TMEM131: variants seen among roughly 807,000 people sequenced by gnomAD.
TMEM131 encodes transmembrane protein 131.
TMEM131 carries 66 observed loss-of-function variants against 211.6 expected under a neutral mutation model. The observed-to-expected ratio is 0.31, with a 90% CI of 0.26 to 0.38. TMEM131 has a LOEUF of 0.38. TMEM131 is among the 10% of genes least tolerant of loss of function. The pLI is 1.00. For synonymous variants in TMEM131, 844 were observed against 841.3 expected (o/e 1.00, Z -0.06); for missense variants, 2,036 against 2,299.3 (o/e 0.89, Z 2.34).
chr2:97,824,209 T>C (rs1229596000), intron 11 of TMEM131, among the ~76,000 whole-genome samples: 2 of 152,256 alleles, frequency 1.3e-5, no homozygotes, highest in Non-Finnish European at 2.9e-5. Flanking sequence ...GAAGGCACAC[T>C]GCCCCAGAGG....
rs1026609323 is a variant in TMEM131, at chr2:97,841,753, T to A, written c.723+62A>T. The A allele has an allele frequency of 2.0e-6, 3 of 1,472,962 alleles. No individual in the cohort carries two copies. The African/African-American group carries it at 4.2e-5, about 21-fold the overall frequency. 91.2% of individuals were successfully genotyped at this position (1,472,962 alleles called of 1,614,324 possible). On this transcript the variant is annotated intron_variant, in intron 7 of 40. Transcript: ENST00000186436. ...TTGGAAACTGTAACAAACTGAGATT[T>A]CATGCTAAGCATTAATTCCCACCAA...
chr2:97,815,092 A>G, intron 13 of TMEM131, 107 bp downstream of exon 13: 1 of 536,938 alleles, frequency 1.9e-6, no homozygotes, highest in South Asian at 5.0e-5. Flanking sequence ...AAATAATTCC[A>G]TCAAGTTTAT....
intron 1 of TMEM131, among the ~76,000 whole-genome samples, chr2:97,960,618 A>C (rs1678773309): frequency 6.6e-6 from 1 of 152,204 alleles, no homozygotes; most frequent in Non-Finnish European, 1.5e-5. Flanking sequence ...AAAACGGCTT[A>C]AAAGAAATAA....
chr2:97,982,832 G>A (rs993446679), intron 1 of TMEM131, among the ~76,000 whole-genome samples: 2 of 152,188 alleles, frequency 1.3e-5, no homozygotes, highest in East Asian at 1.9e-4. Flanking sequence ...TGATGTCAGA[G>A]GCCATGAACC....
chr2:97,994,153 G>C (rs2104694174), intron 1 of TMEM131, among the ~76,000 whole-genome samples: 1 of 152,318 alleles, frequency 6.6e-6, no homozygotes, highest in South Asian at 2.1e-4. Context: ...AGGCCAAAAT[G>C]CTAGGTGCCA....
chr2:97,838,669 T>A (rs1683051449), intron 7 of TMEM131, among the ~76,000 whole-genome samples: 1 of 152,076 alleles, frequency 6.6e-6, no homozygotes. Context: ...GGTCTTGAAC[T>A]CCTGACCTCG....
intron 33 of TMEM131, among the ~76,000 whole-genome samples, chr2:97,768,798 T>C (rs1446582313): frequency 6.6e-6 from 1 of 152,102 alleles, no homozygotes; most frequent in Non-Finnish European, 1.5e-5. Flanking sequence ...ACGATGTTGG[T>C]GAGGCTGGTC....
At chr2:97,791,843 A>G (rs1277000568) in intron 31 of TMEM131, among the ~76,000 whole-genome samples, 2 of 152,206 alleles carry the variant, frequency 1.3e-5, no homozygotes, top group African/African-American at 2.4e-5. Context: ...AAATATTTTC[A>G]GCTCTGTGGG....
chr2:97,965,751 C>T (rs1290590246), intron 1 of TMEM131, among the ~76,000 whole-genome samples: 1 of 151,728 alleles, frequency 6.6e-6, no homozygotes, highest in Non-Finnish European at 1.5e-5. Flanking sequence ...TGAAGAAATT[C>T]TCCTGTGAAT....
intron 11 of TMEM131, among the ~76,000 whole-genome samples, chr2:97,826,173 G>T: frequency 6.6e-6 from 1 of 152,168 alleles, no homozygotes; most frequent in East Asian, 1.9e-4. Flanking sequence ...TGAAGGGCAG[G>T]TTATGCCATA....
chr2:97,876,716 C>G (rs71429373), intron 4 of TMEM131, among the ~76,000 whole-genome samples: 41,028 of 152,030 alleles, frequency 0.27, 6,050 homozygotes, highest in Middle Eastern at 0.37. Flanking sequence ...ATAATAAAAG[C>G]TATTTATGAC....
intron 31 of TMEM131, among the ~76,000 whole-genome samples, chr2:97,786,584 G>A (rs1391189544): frequency 6.6e-6 from 1 of 152,180 alleles, no homozygotes; most frequent in Non-Finnish European, 1.5e-5. Flanking sequence ...CTCTGACTGT[G>A]GGGTACCTTG....
chr2:97,950,627 A>C (rs1434334730), intron 1 of TMEM131, among the ~76,000 whole-genome samples: 3 of 152,164 alleles, frequency 2.0e-5, no homozygotes, highest in Non-Finnish European at 4.4e-5. Flanking sequence ...TCACTGACTT[A>C]GAAATAATTT....
At chr2:97,773,493 T>A (rs1338440848) in intron 32 of TMEM131, among the ~76,000 whole-genome samples, 2 of 151,988 alleles carry the variant, frequency 1.3e-5, no homozygotes, top group Non-Finnish European at 2.9e-5. Flanking sequence ...CCAAGACGCA[T>A]CTTAAAGCTG....
intron 11 of TMEM131, among the ~76,000 whole-genome samples, chr2:97,824,656 G>A (rs1193058507): frequency 6.6e-6 from 1 of 152,184 alleles, no homozygotes; most frequent in Non-Finnish European, 1.5e-5. Context: ...AATCAACCCT[G>A]AAGTCTCTGC....
Position 97,975,262 on chromosome 2 carries a change from A to G in TMEM131, c.187+20214T>C, listed in dbSNP as rs530990899. ...AAGCAAAGAAAAAAAAAAGAGAAAT[A>G]AAATTCAAGTGAAAAAGTCAATGAA... On this transcript the variant is annotated intron_variant, in intron 1 of 40. Transcript: ENST00000186436. Among the ~76,000 whole-genome samples, 3 of 152,264 alleles carry G rather than the reference A, an allele frequency of 2.0e-5. No homozygotes were observed. The South Asian group carries it at 6.2e-4, about 32-fold the overall frequency.
intron 31 of TMEM131, among the ~76,000 whole-genome samples, chr2:97,781,476 A>G (rs1435937943): frequency 6.6e-6 from 1 of 152,206 alleles, no homozygotes; most frequent in African/African-American, 2.4e-5. Context: ...ATTAGTACCA[A>G]TCTGTGGCTT....
intron 8 of TMEM131, 45 bp downstream of exon 8, chr2:97,837,032 G>T (rs776389306): frequency 2.7e-6 from 4 of 1,459,788 alleles, no homozygotes; most frequent in African/African-American, 2.8e-5. Context: ...AAGAATAATC[G>T]GTTTCATGGG....
At chr2:97,940,731 C>T (rs1358325157) in intron 1 of TMEM131, among the ~76,000 whole-genome samples, 1 of 151,672 alleles carries the variant, frequency 6.6e-6, no homozygotes, top group Non-Finnish European at 1.5e-5. Context: ...ATTGCGTGAA[C>T]CTAGGAGGCG....
Sources: gnomAD v4.1 joint callset for allele counts (sites outside exome capture counted in the v4.1 genomes callset) on GRCh38, gnomAD v4.1.1 for gene constraint, MANE v1.5 for transcripts, NCBI Gene and HGNC (gene_info 2026-07-23, HGNC 2026-07-21) for gene names.